Variants in CDH18 observed in about 807,000 individuals in gnomAD.
CDH18 encodes cadherin-18.
Under a neutral mutation model 67.9 loss-of-function variants are expected in CDH18, and 31 were observed. That is an observed-to-expected ratio of 0.46 (90% CI 0.34 to 0.62). The LOEUF (loss-of-function observed/expected upper bound fraction) is 0.62, where lower values mean the gene tolerates loss of function less well. CDH18 is among the 20% of genes least tolerant of loss of function. The probability of loss-of-function intolerance (pLI) is 0.01; values close to 1 mark genes in which losing one functional copy is unlikely to be tolerated. For missense variants in CDH18, 890 were observed against 975.5 expected (o/e 0.91, Z 1.17); for synonymous variants, 362 against 347.2 (o/e 1.04, Z -0.48).
intron 1 of CDH18, among the ~76,000 whole-genome samples, chr5:20,478,697 G>T (rs1752598749): frequency 1.3e-5 from 2 of 151,930 alleles, no homozygotes; most frequent in South Asian, 4.2e-4. Context: ...TGAAGGGTAG[G>T]ACACAAGCCT....
chr5:19,554,066 C>A (rs974601435), intron 8 of CDH18, among the ~76,000 whole-genome samples: 5 of 151,966 alleles, frequency 3.3e-5, no homozygotes, highest in African/African-American at 1.2e-4. Flanking sequence ...AGAAAATAAT[C>A]TTTCTAAAAA....
Position 20,443,463 on chromosome 5 carries a change from T to C in CDH18, c.-580+131999A>G, listed in dbSNP as rs767608444. On this transcript the variant is annotated intron_variant, in intron 1 of 14. Coordinates refer to the CDH18 transcript ENST00000507958. ...TGTGTAAAGGCTCAATCTGACCTCA[T>C]TGTAATATTTCCTAGGACCATCCCA... 9.2e-5 allele frequency among the ~76,000 whole-genome samples: 14 copies of C among 151,782 alleles called. 1 individual carries two copies. Among genetic ancestry groups the C allele is most frequent in the African/African-American group, 2.9e-4 (12 of 41,088 alleles).
At chr5:19,939,752 T>C (rs533583939) in intron 2 of CDH18, among the ~76,000 whole-genome samples, 1 of 152,000 alleles carries the variant, frequency 6.6e-6, no homozygotes, top group Non-Finnish European at 1.5e-5. Flanking sequence ...GAATGATGTA[T>C]ACTGGTGATC....
At chr5:20,465,869 A>G (rs568932255) in intron 1 of CDH18, among the ~76,000 whole-genome samples, 1 of 152,190 alleles carries the variant, frequency 6.6e-6, no homozygotes, top group South Asian at 2.1e-4. Flanking sequence ...GCAGAGTACA[A>G]TGTATTTGAA....
chr5:19,610,709 ATTATCT>A (rs1312076780), intron 6 of CDH18, among the ~76,000 whole-genome samples: 2 of 152,096 alleles, frequency 1.3e-5, no homozygotes, highest in Non-Finnish European at 2.9e-5. Flanking sequence ...ATTATCGCTT[ATTATCT>A]TTATCTTCAA....
intron 3 of CDH18, among the ~76,000 whole-genome samples, chr5:19,766,853 T>C (rs1773153786): frequency 6.6e-6 from 1 of 152,144 alleles, no homozygotes; most frequent in African/African-American, 2.4e-5. Context: ...TGCCACTCCA[T>C]TCTGATGCCA....
intron 2 of CDH18, among the ~76,000 whole-genome samples, chr5:20,231,208 AG>A (rs1186330827): frequency 6.6e-6 from 1 of 152,248 alleles, no homozygotes; most frequent in African/African-American, 2.4e-5. Context: ...AATATATCAA[AG>A]TAAAACTTTA....
intron 2 of CDH18, among the ~76,000 whole-genome samples, chr5:20,138,753 A>G (rs1662120103): frequency 6.6e-6 from 1 of 152,176 alleles, no homozygotes; most frequent in Non-Finnish European, 1.5e-5. Context: ...AATCCAACTT[A>G]CGAGGGATGT....
intron 3 of CDH18, among the ~76,000 whole-genome samples, chr5:19,765,471 T>C (rs917965690): frequency 6.6e-6 from 1 of 152,198 alleles, no homozygotes; most frequent in Non-Finnish European, 1.5e-5. Flanking sequence ...ATTTTTTCTC[T>C]TAATTATCCA....
intron 2 of CDH18, among the ~76,000 whole-genome samples, chr5:20,018,980 G>C: frequency 6.7e-6 from 1 of 148,740 alleles, no homozygotes; most frequent in East Asian, 2.3e-4. Flanking sequence ...TGTATTTTTA[G>C]TAGAGACGGG....
chr5:19,987,105 A>T, intron 1 of CDH18, among the ~76,000 whole-genome samples: 1 of 152,176 alleles, frequency 6.6e-6, no homozygotes, highest in Non-Finnish European at 1.5e-5. Flanking sequence ...TTCCAACAGG[A>T]AAAAAGCAAG....
chr5:20,179,343 T>C (rs1737497962), intron 2 of CDH18, among the ~76,000 whole-genome samples: 2 of 152,130 alleles, frequency 1.3e-5, no homozygotes, highest in African/African-American at 2.4e-5. Flanking sequence ...ACATTAAGAA[T>C]ACATTATGTC....
intron 5 of CDH18, among the ~76,000 whole-genome samples, chr5:19,686,832 T>A (rs1228824789): frequency 7.2e-5 from 11 of 151,744 alleles, no homozygotes; most frequent in Non-Finnish European, 1.2e-4. Context: ...CAAAAAAAAA[T>A]AAAAAATTAT....
intron 1 of CDH18, among the ~76,000 whole-genome samples, chr5:20,556,586 A>C (rs1757919588): frequency 6.6e-6 from 1 of 152,110 alleles, no homozygotes; most frequent in Non-Finnish European, 1.5e-5. Context: ...CTTTACACAA[A>C]CCTAGCATAT....
At chr5:20,470,091 G>C (rs886384640) in intron 1 of CDH18, among the ~76,000 whole-genome samples, 1 of 152,112 alleles carries the variant, frequency 6.6e-6, no homozygotes, top group African/African-American at 2.4e-5. Context: ...GTAGTTCACT[G>C]TCTCGGGCAG....
intron 2 of CDH18, among the ~76,000 whole-genome samples, chr5:20,194,412 A>G (rs1212847171): frequency 6.6e-6 from 1 of 152,062 alleles, no homozygotes; most frequent in East Asian, 1.9e-4. Flanking sequence ...CTAAGCATGG[A>G]ACACCATAGA....
rs1262815945 is a variant in CDH18 at position 19,483,538 on chromosome 5, T to C, written c.1645A>G (p.Ile549Val). The C allele has an allele frequency of 3.1e-6, 5 of 1,611,854 alleles. No homozygotes were observed. The African/African-American group carries it at 5.3e-5, about 17-fold the overall frequency. The change falls in exon 12 of 13, where the codon ATT becomes GTT. Residue 549 changes from isoleucine to valine, a missense_variant. Physicochemically the swap from Ile to Val is conservative, Grantham distance 29. This residue lies in a region of CDH18 where 656 missense variants were observed against 668.1 expected (regional missense o/e 0.98). Transcript: ENST00000382275. ...CTAAATCTCCTCCGCCTTGTCAGAATGCTGGCTGTGTTATCTATGATAGAC... is the reference window on the plus strand; with the variant it reads ...CTAAATCTCCTCCGCCTTGTCAGAACGCTGGCTGTGTTATCTATGATAGAC... The part of the protein sequence containing the change: ...LKDNEDNTAS[I>V]LTRRRRFSRT...
chr5:20,233,595 CAT>C (rs1742245938), intron 2 of CDH18, among the ~76,000 whole-genome samples: 1 of 151,804 alleles, frequency 6.6e-6, no homozygotes, highest in Admixed American at 6.6e-5. Context: ...TCAGTACACA[CAT>C]ATGTACACAC....
At chr5:19,742,024 A>T (rs1162159506) in intron 4 of CDH18, among the ~76,000 whole-genome samples, 1 of 152,186 alleles carries the variant, frequency 6.6e-6, no homozygotes, top group East Asian at 1.9e-4. Context: ...ATTACATTAT[A>T]TAGATCAAAA....
Sources: gnomAD v4.1 joint callset for allele counts (sites outside exome capture counted in the v4.1 genomes callset) on GRCh38, gnomAD v4.1.1 for gene constraint, gnomAD v4.1.1 regional missense constraint, MANE v1.5 for transcripts, NCBI Gene and HGNC (gene_info 2026-07-23, HGNC 2026-07-21) for gene names.